Variants in MMUT observed in about 807,000 individuals in gnomAD.
MMUT encodes the protein methylmalonyl-CoA mutase, also known as methylmalonyl-CoA mutase, mitochondrial.
In MMUT, 79 loss-of-function variants were observed where a neutral mutation model predicts 79.9. The observed-to-expected ratio is 0.99, with a 90% confidence interval of 0.82 to 1.19. MMUT has a LOEUF of 1.19. Ranked by LOEUF, MMUT falls within the 50% of genes most tolerant of loss-of-function variation. The probability of loss-of-function intolerance (pLI) is 0.00; values close to 1 mark genes in which losing one functional copy is unlikely to be tolerated. For synonymous variants in MMUT, 273 were observed against 295.7 expected (o/e 0.92, Z 0.79); for missense variants, 860 against 917.2 (o/e 0.94, Z 0.81).
intron 5 of MMUT, among the ~76,000 whole-genome samples, chr6:49,453,354 G>A (rs1160092617): frequency 2.6e-5 from 4 of 151,766 alleles, no homozygotes; most frequent in Non-Finnish European, 5.9e-5. Context: ...GGGAAGCTAG[G>A]ATGTAAGTGA....
Position 49,456,159 on chromosome 6 carries a change from C to T in MMUT, c.832G>A (p.Ala278Thr), listed in dbSNP as rs1170276087. 9 of 1,611,540 alleles carry T rather than the reference C, an allele frequency of 5.6e-6. No individual in the cohort carries two copies. In the African/African-American group the frequency reaches 6.7e-5, roughly 12 times the overall value. Residue 278 changes from alanine to threonine, a missense_variant, in exon 4 of 13, where the codon GCC becomes ACC. Physicochemically the swap from Ala to Thr is moderately conservative, Grantham distance 58. Transcript: ENST00000274813. Reference protein sequence around the residue: ...EAGADAILELAYTLADGLEYS... With the variant: ...EAGADAILELTYTLADGLEYS... Reference sequence around the variant, plus strand: ...TCCAATCCATCTGCTAAAGTATAGGCCAGCTCCAGAATGGCATCAGCCCCT... The same window carrying T: ...TCCAATCCATCTGCTAAAGTATAGGTCAGCTCCAGAATGGCATCAGCCCCT...
chr6:49,446,988 C>T (rs1767425812), intron 8 of MMUT, among the ~76,000 whole-genome samples: 1 of 151,666 alleles, frequency 6.6e-6, no homozygotes, highest in South Asian at 2.1e-4. Context: ...GATTAAGAGG[C>T]CAAAGTAGCT....
intron 5 of MMUT, 36 bp from the exon 6 acceptor site, chr6:49,451,750 A>G (rs1767560234): frequency 1.3e-6 from 2 of 1,599,926 alleles, no homozygotes; most frequent in East Asian, 4.5e-5. Flanking sequence ...ACTCAAAGAA[A>G]CAGGTGATAG....
At position 49,452,061 on chromosome 6, in the gene MMUT, G is replaced by T. The variant is rs966449815; in HGVS notation, c.1084-347C>A. On this transcript the variant is annotated intron_variant, in intron 5 of 12. Coordinates refer to ENST00000274813, the MANE Select transcript of MMUT (RefSeq NM_000255.4). The stretch of plus-strand genomic sequence containing the variant: ...TAATTCACTCTTTGCTGATTATTTT[G>T]TCTACCTCACAGTATCTACCACAAT... Among the ~76,000 whole-genome samples, 33 of 151,718 alleles carry T rather than the reference G, an allele frequency of 2.2e-4. 1 individual carries two copies. Among genetic ancestry groups the T allele is most frequent in the African/African-American group, 1.2e-4 (5 of 41,264 alleles).
chr6:49,456,797 A>T (rs149141001), intron 3 of MMUT, among the ~76,000 whole-genome samples: 1 of 152,308 alleles, frequency 6.6e-6, no homozygotes, highest in African/African-American at 2.4e-5. Context: ...TGGCTTTAAA[A>T]ATCAAAGATT....
rs1196513317 is a variant in MMUT, at chr6:49,451,704, T to C, written c.1094A>G (p.Asn365Ser). The C allele has an allele frequency of 6.2e-6, 10 of 1,613,798 alleles. No homozygotes were observed. In the African/African-American group the frequency reaches 6.7e-5, roughly 11 times the overall value. ...TTCTATTGCAGTACGGACAATATTA[T>C]TGTAGGGATCCTAAAATATTTGATA... Reference protein sequence around the residue: ...GWSLTEQDPYNNIVRTAIEAM... With the variant: ...GWSLTEQDPYSNIVRTAIEAM... Residue 365 changes from asparagine (N) to serine (S), a missense_variant, in exon 6 of 13, where the codon AAT becomes AGT. By Grantham distance (46) the Asn-to-Ser change is conservative. Coordinates refer to ENST00000274813, the MANE Select transcript of MMUT (RefSeq NM_000255.4).
At chr6:49,457,660 T>C (rs762851193) in intron 3 of MMUT, 31 bp downstream of exon 3, 2 of 1,580,848 alleles carry the variant, frequency 1.3e-6, no homozygotes, top group East Asian at 2.2e-5. Context: ...CAAGGAACTA[T>C]AGAAAAACCT....
At chr6:49,452,489 C>A (rs1490635555) in intron 5 of MMUT, among the ~76,000 whole-genome samples, 1 of 152,050 alleles carries the variant, frequency 6.6e-6, no homozygotes, top group Non-Finnish European at 1.5e-5. Context: ...CCTGCCAACA[C>A]ACCTGGCTAA....
intron 8 of MMUT, among the ~76,000 whole-genome samples, chr6:49,445,248 G>A (rs1220528241): frequency 1.3e-5 from 2 of 151,924 alleles, no homozygotes; most frequent in African/African-American, 2.4e-5. Context: ...AAATAATCTC[G>A]AGAGCGAAAG....
In MMUT at chr6:49,458,001, G is replaced by C. The variant is rs1300547552; in HGVS notation, c.443C>G (p.Ser148Ter). The C allele has an allele frequency of 6.2e-7, 1 of 1,605,320 alleles. No individual in the cohort carries two copies. The highest frequency in any genetic ancestry group is 8.5e-7 in the Non-Finnish European group (1 of 1,179,866). The change falls in exon 3 of 13, where the codon TCA becomes TGA. Residue 148 changes from serine to a stop codon, truncating the protein, a stop_gained. Transcript: ENST00000274813. LOFTEE classifies it high-confidence loss of function. ...FDLATHRGYDSDNPRVRGDVG... is the reference protein window; with the variant it reads ...FDLATHRGYD ...ATCACCACGAACTCGAGGGTTGTCT[G>C]AATCATAGCCACGATGTGTCGCCAG...
chr6:49,452,623 T>C (rs931102454), intron 5 of MMUT, among the ~76,000 whole-genome samples: 3 of 152,184 alleles, frequency 2.0e-5, no homozygotes, highest in African/African-American at 7.2e-5. Context: ...CGTGAGCCAC[T>C]GTGCCAGGTC....
At chr6:49,438,449 C>T (rs1767189655) in intron 11 of MMUT, among the ~76,000 whole-genome samples, 1 of 152,068 alleles carries the variant, frequency 6.6e-6, no homozygotes, top group South Asian at 2.1e-4. Flanking sequence ...GCTATCTTTC[C>T]CACAAAATAT....
chr6:49,453,747 G>GA lies in MMUT; in HGVS notation c.920dup (p.Phe308LeufsTer19), dbSNP rs1252295632. The GA allele has an allele frequency of 5.0e-6, 8 of 1,611,874 alleles. No individual in the cohort carries two copies. The African/African-American group carries it at 5.3e-5, about 11-fold the overall frequency. ...AGAAATTCATTCCAATTCCCCAGAA[G>GA]AAAGACAACCTAAAATAGTAACGTT... is the stretch of plus-strand genomic sequence containing the variant. On this transcript the variant is annotated frameshift_variant, in exon 5 of 13. Transcript: ENST00000274813. LOFTEE classifies it high-confidence loss of function.
In MMUT at chr6:49,459,275, C is replaced by T. The variant is rs747391696; in HGVS notation, c.192G>A (p.Pro64=). 1.5e-5 allele frequency: 24 copies of T among 1,613,986 alleles called. No individual in the cohort carries two copies. The highest frequency in any genetic ancestry group is 4.0e-5 in the African/African-American group (3 of 74,916). ...ACAAGGGTTTTATAGAGATCCCTTCCGGGGTGTGCCATATTAGGTCTTCTG... is the reference window on the plus strand; with the variant it reads ...ACAAGGGTTTTATAGAGATCCCTTCTGGGGTGTGCCATATTAGGTCTTCTG... The part of the protein sequence containing the change: ...KNPEDLIWHT[P]EGISIKPLYS... The change falls in exon 2 of 13, where the codon CCG becomes CCA. Residue 64 remains proline (P), a synonymous_variant. Transcript: ENST00000274813.
In MMUT at chr6:49,447,671, T is replaced by G. The variant is rs199655896; in HGVS notation, c.1559A>C (p.Lys520Thr). 1.4e-4 allele frequency: 211 copies of G among 1,560,974 alleles called. No homozygotes were observed. Among genetic ancestry groups the G allele is most frequent in the African/African-American group, 1.4e-5 (1 of 73,428 alleles). ...VRNRQIEKLK[K>T]IKSSRDQALA... ...AAAAAAAAAGCAAGCTATTAATACCTTCTTAAGTTTTTCAATCTGCCTGTT... is the reference window on the plus strand; with the variant it reads ...AAAAAAAAAGCAAGCTATTAATACCGTCTTAAGTTTTTCAATCTGCCTGTT... The change falls in exon 8 of 13, where the codon AAG becomes ACG. Residue 520 changes from lysine to threonine, a missense_variant and splice_region_variant. Lys to Thr is a moderately conservative substitution (Grantham distance 78, BLOSUM62 -1). Transcript: ENST00000274813.
intron 8 of MMUT, 58 bp from the exon 9 acceptor site, chr6:49,444,812 C>A: frequency 1.4e-6 from 2 of 1,399,144 alleles, no homozygotes; most frequent in East Asian, 4.6e-5. Flanking sequence ...AAACAGAGAT[C>A]AAGAGATTAG....
rs1766952423 is a variant in MMUT, at chr6:49,430,740, T to C, written c.*988A>G. 1 of 152,316 alleles carries C rather than the reference T, an allele frequency of 6.6e-6. No individual in the cohort carries two copies. Among genetic ancestry groups the C allele is most frequent in the African/African-American group, 2.4e-5 (1 of 41,590 alleles). The allele number at this position is 152,316 out of a possible 1,614,324, so 9.4% of individuals were successfully genotyped here. A position where few individuals can be genotyped will look rare whatever the true frequency, so the allele number is the denominator to read the frequency against. On this transcript the variant is annotated 3_prime_UTR_variant, in exon 13 of 13. Coordinates refer to ENST00000274813, the MANE Select transcript of MMUT (RefSeq NM_000255.4). The stretch of plus-strand genomic sequence containing the variant: ...TCATGTTAACAATAAAGGACAACTT[T>C]CCTTTTTTATTTAAACTTTTTTTAT...
chr6:49,450,728 T>C (rs1291642623), intron 6 of MMUT, among the ~76,000 whole-genome samples: 2 of 152,174 alleles, frequency 1.3e-5, no homozygotes, highest in African/African-American at 4.8e-5. Context: ...TTATCTCCCA[T>C]GCACCATTTT....
intron 8 of MMUT, among the ~76,000 whole-genome samples, chr6:49,446,494 C>G (rs1767413103): frequency 6.6e-6 from 1 of 151,828 alleles, no homozygotes. Context: ...AGTCAAAAAG[C>G]CTGCATTCAA....
Sources: allele counts gnomAD v4.1 joint callset (sites outside exome capture counted in the v4.1 genomes callset), GRCh38; gene constraint gnomAD v4.1.1; transcripts MANE v1.5; gene names NCBI Gene and HGNC (gene_info 2026-07-23, HGNC 2026-07-21).